The following ANK1 variants were observed in gnomAD, a reference collection of about 807,000 sequenced individuals.
ANK1 encodes the protein ankyrin-1.
Under a neutral mutation model 210.4 loss-of-function variants are expected in ANK1, and 51 were observed. That is an observed-to-expected ratio of 0.24 (90% confidence interval 0.19 to 0.31). The LOEUF (loss-of-function observed/expected upper bound fraction) is 0.31. ANK1 is among the 10% of genes least tolerant of loss of function. The pLI, the probability that ANK1 is intolerant of heterozygous loss-of-function variation, is 1.00. For missense variants in ANK1, 2,051 were observed against 2,504.4 expected, an observed-to-expected ratio of 0.82 and a Z score of 3.86; for synonymous variants, 967 against 1,025.9, an observed-to-expected ratio of 0.94 and a Z score of 1.10.
chr8:41,692,431 C>G (rs894955714), intron 31 of ANK1, among the ~76,000 whole-genome samples: 4 of 152,222 alleles, frequency 2.6e-5, no homozygotes, highest in African/African-American at 9.6e-5. Context: ...ATCACTGGAC[C>G]AAAAGCCTGC....
At chr8:41,840,428 T>G (rs759093502) in intron 1 of ANK1, 1 of 152,256 alleles carries the variant, frequency 6.6e-6, no homozygotes, top group African/African-American at 2.4e-5. Context: ...TTTTCACATT[T>G]CTGTTAGTCT....
Position 41,694,645 on chromosome 8 carries a change from G to T in ANK1, c.3274C>A (p.Gln1092Lys). The T allele has an allele frequency of 6.2e-7, 1 of 1,614,114 alleles. No homozygotes were observed. The highest frequency in any genetic ancestry group is 8.5e-7 in the Non-Finnish European group (1 of 1,180,014). The change falls in exon 28 of 43, where the codon CAG becomes AAG. Residue 1092 changes from glutamine to lysine, a missense_variant. Gln to Lys is a moderately conservative substitution (Grantham distance 53). Around this residue, in one of 6 missense-constraint regions of ANK1, gnomAD observed 1,413 missense variants for 1,707.4 expected, o/e 0.83. Coordinates refer to ENST00000289734, the MANE Select transcript of ANK1 (RefSeq NM_000037.4). The surrounding 1 kb of genome is among the most constrained non-coding windows in gnomAD (Gnocchi z 5.7). ...SLKSKLVPLV[Q>K]ATFPENAVTK... ...ACGGCATTCTCCGGGAACGTTGCCT[G>T]TACCAGGGGCACCAGCTTGCTCTTC...
rs562995996 is a variant in ANK1 at position 41,770,631 on chromosome 8, C to T, written c.28-12494G>A. 1.3e-4 allele frequency among the ~76,000 whole-genome samples: 20 copies of T among 152,338 alleles called. No individual in the cohort carries two copies. In the South Asian group the frequency reaches 4.1e-3, roughly 32 times the overall value. On this transcript the variant is annotated intron_variant, in intron 1 of 42. Transcript: ENST00000289734. ...AATGGGAAAGATGCTGAAGTATTATCAGAGGACTTTAGTTCTCAGAACTGC... is the reference window on the plus strand; with the variant it reads ...AATGGGAAAGATGCTGAAGTATTATTAGAGGACTTTAGTTCTCAGAACTGC...
intron 17 of ANK1, among the ~76,000 whole-genome samples, chr8:41,707,839 T>C (rs930499978): frequency 1.3e-5 from 2 of 152,256 alleles, no homozygotes; most frequent in African/African-American, 2.4e-5. Flanking sequence ...ACAAAATCTA[T>C]AGGTTTTTAA....
At chr8:41,799,982 G>T (rs2150775129), upstream of ANK1, among the ~76,000 whole-genome samples, 1 of 152,228 alleles carries the variant, frequency 6.6e-6, no homozygotes, top group South Asian at 2.1e-4. Context: ...AGTGACATTT[G>T]TCCCTCCCTT....
chr8:41,721,061 G>C (rs1829124860), intron 9 of ANK1, among the ~76,000 whole-genome samples: 1 of 152,138 alleles, frequency 6.6e-6, no homozygotes, highest in East Asian at 1.9e-4. Flanking sequence ...GGCTGAATTA[G>C]GTCCCACAAA....
At chr8:41,732,032 A>G (rs1832310119) in intron 3 of ANK1, among the ~76,000 whole-genome samples, 1 of 152,270 alleles carries the variant, frequency 6.6e-6, no homozygotes, top group South Asian at 2.1e-4. Context: ...AGAGCAACTC[A>G]GTTTATTTTA....
intron 7 of ANK1, among the ~76,000 whole-genome samples, chr8:41,724,144 C>T (rs2150654735): frequency 6.6e-6 from 1 of 152,298 alleles, no homozygotes; most frequent in South Asian, 2.1e-4. Flanking sequence ...CCCACCACAC[C>T]ACCCAAGCCC....
Position 41,850,046 on chromosome 8 carries a change from G to A in ANK1, c.126+46309C>T, listed in dbSNP as rs375404440. Among the ~76,000 whole-genome samples the A allele has an allele frequency of 1.5e-4, 23 of 151,990 alleles. No homozygotes were observed. The East Asian group carries it at 3.3e-3, about 22-fold the overall frequency. On this transcript the variant is annotated intron_variant, in intron 1 of 42. Coordinates refer to the ANK1 transcript ENST00000265709. ...GCAGCCTCCCCACAGCCCTGCGACC[G>A]CTCCCACACATGAGATCCTCACCCT...
intron 1 of ANK1, among the ~76,000 whole-genome samples, chr8:41,831,954 C>T (rs1047149691): frequency 6.6e-6 from 1 of 151,984 alleles, no homozygotes; most frequent in Non-Finnish European, 1.5e-5. Context: ...ATTTAGGAGA[C>T]AATTGGGAAA....
chr8:41,731,078 T>C (rs1832068575), intron 3 of ANK1, among the ~76,000 whole-genome samples: 1 of 152,152 alleles, frequency 6.6e-6, no homozygotes, highest in South Asian at 2.1e-4. Context: ...AAGTGAGGAA[T>C]AAGAACACAG....
At chr8:41,794,251 A>G (rs945657091) in intron 1 of ANK1, among the ~76,000 whole-genome samples, 2 of 151,946 alleles carry the variant, frequency 1.3e-5, no homozygotes, top group African/African-American at 4.8e-5. Context: ...CCCTTTCCCA[A>G]TCTCTCTGAC....
intron 2 of ANK1, among the ~76,000 whole-genome samples, chr8:41,749,366 C>T (rs1458897028): frequency 2.1e-5 from 3 of 141,044 alleles, no homozygotes; most frequent in African/African-American, 5.3e-5. Flanking sequence ...GGCACAATCT[C>T]GGCTCACTGC....
intron 1 of ANK1, among the ~76,000 whole-genome samples, chr8:41,778,709 C>A (rs1349271528): frequency 2.0e-5 from 3 of 152,196 alleles, no homozygotes; most frequent in Non-Finnish European, 2.9e-5. Context: ...GCCTTTACAG[C>A]ATTAAATGTC....
intron 38 of ANK1, among the ~76,000 whole-genome samples, chr8:41,668,976 G>A (rs1811419066): frequency 6.6e-6 from 1 of 152,006 alleles, no homozygotes; most frequent in Non-Finnish European, 1.5e-5. Context: ...CTGACAAGGT[G>A]GTCATTCTCT....
chr8:41,703,992 G>T, intron 20 of ANK1, 49 bp downstream of exon 20: 2 of 1,544,508 alleles, frequency 1.3e-6, no homozygotes, highest in Non-Finnish European at 1.8e-6. Flanking sequence ...ACACAGGGCT[G>T]CTGCCATGGG....
chr8:41,745,693 C>T (rs1037101695), intron 2 of ANK1, among the ~76,000 whole-genome samples: 3 of 151,940 alleles, frequency 2.0e-5, no homozygotes, highest in African/African-American at 7.3e-5. Flanking sequence ...TCTATCTGTT[C>T]TGGTTTTTCC....
intron 1 of ANK1, among the ~76,000 whole-genome samples, chr8:41,891,791 A>G (rs1264061184): frequency 6.6e-6 from 1 of 152,236 alleles, no homozygotes; most frequent in Non-Finnish European, 1.5e-5. Flanking sequence ...AGGTACTACA[A>G]TAAGAAGAAA....
intron 1 of ANK1, among the ~76,000 whole-genome samples, chr8:41,839,247 C>A (rs773159310): frequency 9.9e-5 from 15 of 152,206 alleles, no homozygotes; most frequent in Non-Finnish European, 1.9e-4. Flanking sequence ...AGTACTGACC[C>A]TGTGCCAGGC....
Sources: allele counts gnomAD v4.1 joint callset (sites outside exome capture counted in the v4.1 genomes callset), GRCh38; gene constraint gnomAD v4.1.1; regional missense constraint gnomAD v4.1.1; non-coding constraint Gnocchi (gnomAD v3.1); transcripts MANE v1.5; gene names NCBI Gene and HGNC (gene_info 2026-07-23, HGNC 2026-07-21).